The following ASPRV1 variants were observed in gnomAD, a reference collection of about 807,000 sequenced individuals.
ASPRV1 encodes the protein retroviral-like aspartic protease 1.
In ASPRV1, 7 loss-of-function variants were observed where a neutral mutation model predicts 11.0. That is an observed-to-expected ratio of 0.64 (90% CI 0.36 to 1.20). The LOEUF (loss-of-function observed/expected upper bound fraction) is 1.20. Ranked by LOEUF, ASPRV1 falls within the 50% of genes most tolerant of loss-of-function variation. The probability of loss-of-function intolerance (pLI) is 0.02; values close to 1 mark genes in which losing one functional copy is unlikely to be tolerated. For synonymous variants in ASPRV1, 136 were observed against 138.4 expected, an observed-to-expected ratio of 0.98 and a Z score of 0.12; for missense variants, 299 against 320.0, an observed-to-expected ratio of 0.93 and a Z score of 0.50.
the ASPRV1 span, chr2:70,032,273 G>A: frequency 2.0e-5 from 3 of 152,226 alleles, no homozygotes; most frequent in Non-Finnish European, 4.4e-5. Context: ...ATGAGCAAGA[G>A]TGGTTTGTTC....
the ASPRV1 span, among the ~76,000 whole-genome samples, chr2:69,983,698 G>C: frequency 6.6e-6 from 1 of 152,214 alleles, no homozygotes; most frequent in Non-Finnish European, 1.5e-5. Context: ...AGCGGGCACT[G>C]GTGTGGAGGT....
chr2:69,990,694 A>AGAT, the ASPRV1 span, among the ~76,000 whole-genome samples: 5 of 152,152 alleles, frequency 3.3e-5, no homozygotes, highest in Non-Finnish European at 5.9e-5. Flanking sequence ...GACTCAAGCC[A>AGAT]TCTCCCTGCC....
the ASPRV1 span, among the ~76,000 whole-genome samples, chr2:69,933,918 A>G: frequency 6.6e-6 from 1 of 152,202 alleles, no homozygotes; most frequent in African/African-American, 2.4e-5. Context: ...ACTCTGCTCC[A>G]AGTAGGTTGT....
chr2:70,086,652 A>G, the ASPRV1 span, among the ~76,000 whole-genome samples: 2 of 152,208 alleles, frequency 1.3e-5, no homozygotes, highest in South Asian at 4.1e-4. Flanking sequence ...AGGCCTCCAC[A>G]GGCGTACACT....
upstream of ASPRV1, chr2:69,964,470 T>C: frequency 2.8e-6 from 1 of 351,242 alleles, no homozygotes; most frequent in Non-Finnish European, 5.6e-6. Flanking sequence ...TCAAGTTCCC[T>C]TATGCCTTGG....
At chr2:69,948,182 A>G in the ASPRV1 span, among the ~76,000 whole-genome samples, 5 of 152,116 alleles carry the variant, frequency 3.3e-5, no homozygotes, top group Admixed American at 1.3e-4. Context: ...AGGGAGGTGG[A>G]GGCTGCAGTG....
the ASPRV1 span, among the ~76,000 whole-genome samples, chr2:69,946,309 G>A: frequency 6.6e-6 from 1 of 152,162 alleles, no homozygotes; most frequent in Non-Finnish European, 1.5e-5. Flanking sequence ...CCCGGAAGGT[G>A]GTCCTGGGTG....
At chr2:69,934,849 C>A in the ASPRV1 span, among the ~76,000 whole-genome samples, 1 of 152,178 alleles carries the variant, frequency 6.6e-6, no homozygotes, top group South Asian at 2.1e-4. Context: ...CCTGGGTGGT[C>A]ATTTGGGTTG....
At chr2:69,944,875 T>G in the ASPRV1 span, among the ~76,000 whole-genome samples, 1 of 151,766 alleles carries the variant, frequency 6.6e-6, no homozygotes, top group African/African-American at 2.4e-5. Context: ...AGGAAGACAC[T>G]CTCTCTATCC....
the ASPRV1 span, among the ~76,000 whole-genome samples, chr2:70,082,832 G>A: frequency 6.6e-6 from 1 of 152,094 alleles, no homozygotes; most frequent in African/African-American, 2.4e-5. Context: ...GGATAGAGGT[G>A]GCAGTGAGCT....
At chr2:69,941,859 T>TACACACACAC in the ASPRV1 span, 1 of 135,182 alleles carries the variant, frequency 7.4e-6, no homozygotes, top group Non-Finnish European at 1.5e-5. Context: ...AAAGTATCTA[T>TACACACACAC]ATATACACAC....
chr2:70,051,506 A>C, the ASPRV1 span, among the ~76,000 whole-genome samples: 2,500 of 152,328 alleles, frequency 0.016, 83 homozygotes, highest in African/African-American at 0.057. Context: ...ACAAGCATGC[A>C]AAGATGTATA....
chr2:69,981,583 G>A, the ASPRV1 span, among the ~76,000 whole-genome samples: 2 of 152,188 alleles, frequency 1.3e-5, no homozygotes, highest in South Asian at 4.1e-4. Context: ...TTGGGATGGA[G>A]TCTTACTCTG....
At chr2:69,961,747 C>A (rs562111669), upstream of ASPRV1, 5 of 1,497,332 alleles carry the variant, frequency 3.3e-6, no homozygotes, top group Non-Finnish European at 4.5e-6. Flanking sequence ...AGCATCCGGC[C>A]GGACTAGCAG....
At chr2:69,967,197 C>T in the ASPRV1 span, among the ~76,000 whole-genome samples, 1 of 152,160 alleles carries the variant, frequency 6.6e-6, no homozygotes, top group Admixed American at 6.5e-5. Flanking sequence ...TGAATCAGAC[C>T]TGCGCCCTAC....
chr2:69,950,814 G>T, the ASPRV1 span, among the ~76,000 whole-genome samples: 1 of 151,370 alleles, frequency 6.6e-6, no homozygotes, highest in Non-Finnish European at 1.5e-5. Context: ...CTGCACTCCA[G>T]CATGGGCAAC....
At chr2:70,016,999 AT>A in the ASPRV1 span, among the ~76,000 whole-genome samples, 16 of 149,944 alleles carry the variant, frequency 1.1e-4, no homozygotes, top group Admixed American at 5.3e-4. Flanking sequence ...GATCATCTCA[AT>A]TTTTTTTTTA....
chr2:69,962,980 C>T (rs1323639904), upstream of ASPRV1: 1 of 309,298 alleles, frequency 3.2e-6, no homozygotes, highest in East Asian at 7.8e-5. Context: ...CGATGGCACA[C>T]CTGTGGCTCT....
At chr2:69,933,556 C>T in the ASPRV1 span, among the ~76,000 whole-genome samples, 5 of 152,110 alleles carry the variant, frequency 3.3e-5, no homozygotes, top group Non-Finnish European at 7.4e-5. Flanking sequence ...GAAATGAATG[C>T]TGTACTCCCC....
Sources: gnomAD v4.1 joint callset for allele counts (sites outside exome capture counted in the v4.1 genomes callset) on GRCh38, gnomAD v4.1.1 for gene constraint, MANE v1.5 for transcripts, NCBI Gene and HGNC (gene_info 2026-07-23, HGNC 2026-07-21) for gene names.